Variants in EPHA3 observed in about 807,000 individuals in gnomAD.
The protein encoded by EPHA3 is ephrin type-A receptor 3.
In EPHA3, 42 loss-of-function variants were observed where a neutral mutation model predicts 107.1. That is an observed-to-expected ratio of 0.39 (90% CI 0.31 to 0.51). EPHA3 has a LOEUF of 0.51. Ranked by LOEUF, EPHA3 falls within the 20% of genes least tolerant of loss-of-function variation. EPHA3 has a pLI of 0.78. For synonymous variants in EPHA3, 461 were observed against 424.8 expected, an observed-to-expected ratio of 1.09 and a Z score of -1.05; for missense variants, 1,183 against 1,211.2, an observed-to-expected ratio of 0.98 and a Z score of 0.35.
At chr3:89,330,396 A>G (rs1707259069) in intron 3 of EPHA3, among the ~76,000 whole-genome samples, 1 of 152,104 alleles carries the variant, frequency 6.6e-6, no homozygotes, top group African/African-American at 2.4e-5. Flanking sequence ...AATCCAATGT[A>G]TAAATTATAT....
intron 3 of EPHA3, among the ~76,000 whole-genome samples, chr3:89,336,785 G>T (rs114351570): frequency 6.6e-6 from 1 of 152,226 alleles, no homozygotes; most frequent in Non-Finnish European, 1.5e-5. Context: ...GAAAGGCTGG[G>T]TGCAGTAGCC....
At chr3:89,185,447 C>T (rs1303798811) in intron 2 of EPHA3, among the ~76,000 whole-genome samples, 6 of 152,054 alleles carry the variant, frequency 3.9e-5, no homozygotes, top group Admixed American at 3.9e-4. Context: ...GAGAATAGAT[C>T]TCAGGAAAGC....
rs149410237 is a variant in EPHA3 at position 89,394,132 on chromosome 3, C to T, written c.1307-1705C>T. 2.9e-3 allele frequency among the ~76,000 whole-genome samples: 447 copies of T among 152,210 alleles called. 2 individuals carry two copies. The highest frequency in any genetic ancestry group is 0.027 in the Middle Eastern group (8 of 294). On this transcript the variant is annotated intron_variant, in intron 5 of 16. Coordinates refer to ENST00000336596, the MANE Select transcript of EPHA3 (RefSeq NM_005233.6). Reference sequence around the variant, plus strand: ...TCCTTGGCAAAAGATTAAGTCAGGCCAAGTGTGGTGGTTCATGCCTGTAAT... The same window carrying T: ...TCCTTGGCAAAAGATTAAGTCAGGCTAAGTGTGGTGGTTCATGCCTGTAAT...
At chr3:89,199,691 T>A (rs1705925603) in intron 2 of EPHA3, among the ~76,000 whole-genome samples, 1 of 152,226 alleles carries the variant, frequency 6.6e-6, no homozygotes, top group South Asian at 2.1e-4. Context: ...TTCAAAAATC[T>A]GAATTATAAA....
intron 3 of EPHA3, among the ~76,000 whole-genome samples, chr3:89,270,286 T>C (rs1178400776): frequency 6.6e-6 from 1 of 152,078 alleles, no homozygotes; most frequent in Admixed American, 6.6e-5. Context: ...TCAGTCATTA[T>C]TTGAGTTGTG....
chr3:89,417,589 C>A (rs1328958270), intron 10 of EPHA3, among the ~76,000 whole-genome samples: 2 of 151,406 alleles, frequency 1.3e-5, no homozygotes, highest in African/African-American at 4.8e-5. Flanking sequence ...CATAACTTCT[C>A]TTTCTCCTAA....
At chr3:89,196,626 G>T (rs1705842465) in intron 2 of EPHA3, among the ~76,000 whole-genome samples, 1 of 148,054 alleles carries the variant, frequency 6.8e-6, no homozygotes, top group African/African-American at 2.7e-5. Flanking sequence ...CATTTCACCT[G>T]CTCGGAATGT....
intron 3 of EPHA3, among the ~76,000 whole-genome samples, chr3:89,327,189 A>T (rs1216390750): frequency 6.6e-6 from 1 of 152,088 alleles, no homozygotes; most frequent in Admixed American, 6.6e-5. Context: ...GTTTTATGAA[A>T]ACATGATTAT....
At chr3:89,418,278 TAGA>T (rs1375006428) in intron 10 of EPHA3, among the ~76,000 whole-genome samples, 1 of 151,430 alleles carries the variant, frequency 6.6e-6, no homozygotes, top group Non-Finnish European at 1.5e-5. Context: ...CACACTATGT[TAGA>T]AGTTCTTCTG....
intron 5 of EPHA3, among the ~76,000 whole-genome samples, chr3:89,345,760 TC>T (rs1284718866): frequency 1.5e-5 from 2 of 132,712 alleles, no homozygotes; most frequent in East Asian, 2.2e-4. Context: ...ATGCTATCTC[TC>T]CCCCCTCCCC....
At chr3:89,321,078 G>A (rs773253317) in intron 3 of EPHA3, among the ~76,000 whole-genome samples, 1 of 152,000 alleles carries the variant, frequency 6.6e-6, no homozygotes, top group Non-Finnish European at 1.5e-5. Flanking sequence ...CTGGTTTTCA[G>A]TATATTCACA....
At chr3:89,341,172 C>CT (rs1249002080) in intron 4 of EPHA3, 101 bp downstream of exon 4, 3 of 1,264,588 alleles carry the variant, frequency 2.4e-6, no homozygotes, top group Non-Finnish European at 3.2e-6. Context: ...CCATTTCCTT[C>CT]TGTTGCCCGT....
intron 15 of EPHA3, among the ~76,000 whole-genome samples, chr3:89,459,514 C>CTTCCTTCCTTCG (rs1710175425): frequency 6.8e-6 from 1 of 147,988 alleles, no homozygotes; most frequent in South Asian, 2.1e-4. Context: ...TCCTTCCTTC[C>CTTCCTTCCTTCG]TTCCTTCCTT....
intron 15 of EPHA3, among the ~76,000 whole-genome samples, chr3:89,460,331 T>G (rs1710197919): frequency 6.8e-6 from 1 of 147,206 alleles, no homozygotes; most frequent in Admixed American, 7.0e-5. Context: ...TAGAACGAGG[T>G]TTTAAATGGA....
rs1412252074 is a variant in EPHA3, at chr3:89,424,183, A to AAAAG, written c.2074+4795_2074+4798dup. ...GAAGCCATATCTGAAAGTGTATCAA[A>AAAAG]AAAGATACTACACCATTTCCCAAGT... is the stretch of plus-strand genomic sequence containing the variant. On this transcript the variant is annotated intron_variant, in intron 11 of 16. Coordinates refer to ENST00000336596, the MANE Select transcript of EPHA3 (RefSeq NM_005233.6). Among the ~76,000 whole-genome samples the AAAAG allele has an allele frequency of 3.3e-5, 5 of 151,610 alleles. No individual in the cohort carries two copies. In the East Asian group the frequency reaches 9.7e-4, roughly 29 times the overall value.
chr3:89,136,383 T>TG (rs1158866731), intron 2 of EPHA3, among the ~76,000 whole-genome samples: 4 of 104,772 alleles, frequency 3.8e-5, no homozygotes, highest in Non-Finnish European at 7.6e-5. Context: ...AAATGCACTC[T>TG]GAAAAAAAAA....
Position 89,420,680 on chromosome 3 carries a change from T to C in EPHA3, c.2074+1290T>C, listed in dbSNP as rs116223866. On this transcript the variant is annotated intron_variant, in intron 11 of 16. Coordinates refer to ENST00000336596, the MANE Select transcript of EPHA3 (RefSeq NM_005233.6). ...TCTTTCTGAGCAAGGCTATACTGTT[T>C]TATGTCTGTACAGTTACAGTATCAT... is the stretch of plus-strand genomic sequence containing the variant. 7.6e-3 allele frequency among the ~76,000 whole-genome samples: 1,154 copies of C among 151,564 alleles called. 10 individuals carry two copies. The highest frequency in any genetic ancestry group is 0.026 in the African/African-American group (1,087 of 41,464).
intron 7 of EPHA3, among the ~76,000 whole-genome samples, chr3:89,406,697 C>T (rs575099168): frequency 6.6e-5 from 10 of 152,074 alleles, no homozygotes; most frequent in African/African-American, 1.7e-4. Context: ...AAACAGGGGA[C>T]GGGCAAGATT....
At chr3:89,257,851 A>G (rs1239318211) in intron 3 of EPHA3, among the ~76,000 whole-genome samples, 1 of 152,002 alleles carries the variant, frequency 6.6e-6, no homozygotes, top group African/African-American at 2.4e-5. Flanking sequence ...ATTAACTTAG[A>G]TAAGCATTAT....
Sources: gnomAD v4.1 joint callset for allele counts (sites outside exome capture counted in the v4.1 genomes callset) on GRCh38, gnomAD v4.1.1 for gene constraint, MANE v1.5 for transcripts, NCBI Gene and HGNC (gene_info 2026-07-23, HGNC 2026-07-21) for gene names.